The following CLIC6 variants were observed in gnomAD, a reference collection of about 807,000 sequenced individuals.
The protein encoded by CLIC6 is CLIC family member 6.
A neutral mutation model predicts 49.2 loss-of-function variants in CLIC6; 39 were observed. The ratio of observed to expected loss-of-function variants is 0.79; its 90% CI spans 0.61 to 1.04. The LOEUF (loss-of-function observed/expected upper bound fraction) is 1.04, where lower values mean the gene tolerates loss of function less well. CLIC6 is among the 50% of genes least tolerant of loss of function. CLIC6 has a pLI of 0.00. For synonymous variants in CLIC6, 446 were observed against 433.4 expected (o/e 1.03, Z -0.36); for missense variants, 988 against 993.1 (o/e 0.99, Z 0.07).
chr21:34,697,710 G>A (rs1417463353), intron 1 of CLIC6, among the ~76,000 whole-genome samples: 2 of 152,228 alleles, frequency 1.3e-5, no homozygotes, highest in Admixed American at 1.3e-4. Context: ...ACAGTCCTGG[G>A]CAAACCAGGG....
chr21:34,705,450 C>A (rs142801906), intron 1 of CLIC6, among the ~76,000 whole-genome samples: 1 of 152,090 alleles, frequency 6.6e-6, no homozygotes, highest in African/African-American at 2.4e-5. Flanking sequence ...GCCCATCTGC[C>A]GGGACTTGTT....
intron 5 of CLIC6, among the ~76,000 whole-genome samples, chr21:34,711,478 G>A (rs542486996): frequency 6.6e-6 from 1 of 152,146 alleles, no homozygotes; most frequent in South Asian, 2.1e-4. Flanking sequence ...GTTGCAGTGA[G>A]CACTCACTCC....
At chr21:34,707,472 T>C (rs1160798693) in intron 2 of CLIC6, 83 bp downstream of exon 2, 6 of 404,200 alleles carry the variant, frequency 1.5e-5, no homozygotes, top group Non-Finnish European at 2.2e-5. Flanking sequence ...CACACACACC[T>C]GAGGCCAACG....
intron 1 of CLIC6, among the ~76,000 whole-genome samples, chr21:34,701,975 C>G (rs1162944973): frequency 4.0e-5 from 6 of 149,166 alleles, no homozygotes; most frequent in African/African-American, 1.5e-4. Flanking sequence ...TGGGTGATCT[C>G]TTAGTAGTGA....
intron 5 of CLIC6, among the ~76,000 whole-genome samples, chr21:34,714,684 C>T (rs1386568244): frequency 1.4e-5 from 1 of 69,702 alleles, no homozygotes; most frequent in East Asian, 5.1e-4. Flanking sequence ...GAGACTGTCT[C>T]AAAAAAACAA....
intron 1 of CLIC6, among the ~76,000 whole-genome samples, chr21:34,685,630 C>T (rs2834577): frequency 0.18 from 28,118 of 152,138 alleles, 2,789 homozygotes; most frequent in South Asian, 0.23. Flanking sequence ...TTGCACTCGG[C>T]GGCTTCTCTG....
At chr21:34,676,585 G>A (rs144434110) in intron 1 of CLIC6, among the ~76,000 whole-genome samples, 3 of 152,266 alleles carry the variant, frequency 2.0e-5, no homozygotes, top group Admixed American at 6.5e-5. Flanking sequence ...ACACATAACA[G>A]CCAGCCAGTT....
chr21:34,669,734 G>T lies in CLIC6; in HGVS notation c.346G>T (p.Gly116Cys), dbSNP rs1017031747. 4.3e-6 allele frequency: 6 copies of T among 1,384,438 alleles called. No homozygotes were observed. Among genetic ancestry groups the T allele is most frequent in the Admixed American group, 3.6e-5 (1 of 27,826 alleles). The allele number at this position is 1,384,438 out of a possible 1,614,324, so 85.8% of individuals were successfully genotyped here. The change falls in exon 1 of 6, where the codon GGC becomes TGC. Residue 116 changes from glycine (G) to cysteine (C), a missense_variant. This residue lies in a region of CLIC6 where 284 missense variants were observed against 278.6 expected (regional missense o/e 1.02). Transcript: ENST00000349499. Reference sequence around the variant, plus strand: ...GGTGGAGGGGGCGAGCCCGGGACGCGGCGCGCAGGGCGAGCCCCGCGGGGA... The same window carrying T: ...GGTGGAGGGGGCGAGCCCGGGACGCTGCGCGCAGGGCGAGCCCCGCGGGGA... Reference protein sequence around the residue: ...QQVEGASPGRGAQGEPRGEAQ... With the variant: ...QQVEGASPGRCAQGEPRGEAQ...
intron 1 of CLIC6, among the ~76,000 whole-genome samples, chr21:34,704,515 A>G (rs1288610177): frequency 2.0e-5 from 3 of 152,238 alleles, no homozygotes; most frequent in South Asian, 2.1e-4. Context: ...TTCACTAGCC[A>G]TGCTGGGTCG....
At chr21:34,713,675 A>T (rs191802219) in intron 5 of CLIC6, among the ~76,000 whole-genome samples, 1 of 151,508 alleles carries the variant, frequency 6.6e-6, no homozygotes, top group Non-Finnish European at 1.5e-5. Context: ...AAAGGAAAGG[A>T]AAAAAAAATA....
intron 1 of CLIC6, among the ~76,000 whole-genome samples, chr21:34,678,528 T>A (rs1050460083): frequency 1.3e-4 from 19 of 151,918 alleles, no homozygotes; most frequent in Non-Finnish European, 2.6e-4. Context: ...AAAATTGGAG[T>A]TCGATTTAGA....
chr21:34,696,890 G>A (rs569057584), intron 1 of CLIC6, among the ~76,000 whole-genome samples: 3 of 152,146 alleles, frequency 2.0e-5, no homozygotes, highest in African/African-American at 7.2e-5. Flanking sequence ...CATGTTCCAA[G>A]GTGGCATGTA....
At chr21:34,705,086 C>T (rs1164959936) in intron 1 of CLIC6, among the ~76,000 whole-genome samples, 1 of 152,180 alleles carries the variant, frequency 6.6e-6, no homozygotes, top group Non-Finnish European at 1.5e-5. Context: ...CCCCACTTCG[C>T]AGAACTTATT....
intron 1 of CLIC6, among the ~76,000 whole-genome samples, chr21:34,679,900 G>T (rs537922494): frequency 6.6e-6 from 1 of 152,228 alleles, no homozygotes; most frequent in East Asian, 1.9e-4. Flanking sequence ...TGCTTTCACG[G>T]ACTGGTGTTG....
intron 1 of CLIC6, among the ~76,000 whole-genome samples, chr21:34,686,671 C>A (rs1403701830): frequency 6.6e-6 from 1 of 152,224 alleles, no homozygotes; most frequent in African/African-American, 2.4e-5. Flanking sequence ...CCTGAGGTCA[C>A]CATGCTGGAG....
In CLIC6 at chr21:34,718,133, T is replaced by C. The variant is rs1314067917; in HGVS notation, c.*1651T>C. On this transcript the variant is annotated 3_prime_UTR_variant, in exon 6 of 6. Coordinates refer to ENST00000349499, the MANE Select transcript of CLIC6 (RefSeq NM_053277.3). ...TGATTAGACTACCAGATGTTACTAG[T>C]GCTAACTTTGTATTCTTAGACATTA... 1 of 152,674 alleles carries C rather than the reference T, an allele frequency of 6.5e-6. No homozygotes were observed. The highest frequency in any genetic ancestry group is 1.5e-5 in the Non-Finnish European group (1 of 68,044). 9.5% of individuals were successfully genotyped at this position (152,674 alleles called of 1,614,324 possible).
Position 34,670,160 on chromosome 21 carries a change from GACGGCGTAGAAGCGGGGGTC to G in CLIC6, c.773_792del (p.Asp258AlafsTer31). On this transcript the variant is annotated frameshift_variant, in exon 1 of 6. Transcript: ENST00000349499. LOFTEE classifies it high-confidence loss of function. ...CGTAGAGGCGGGGGACCCGGCGGGG[GACGGCGTAGAAGCGGGGGTC>G]CCGGCGGGGGACAGCGTAGAAGCCG... 1 of 1,387,724 alleles carries G rather than the reference GACGGCGTAGAAGCGGGGGTC, an allele frequency of 7.2e-7. No homozygotes were observed. The allele number at this position is 1,387,724 out of a possible 1,614,324, so 86.0% of individuals were successfully genotyped here.
At position 34,686,365 on chromosome 21, in the gene CLIC6, C is replaced by T. The variant is rs565957629; in HGVS notation, c.1374+15603C>T. On this transcript the variant is annotated intron_variant, in intron 1 of 5. Coordinates refer to ENST00000349499, the MANE Select transcript of CLIC6 (RefSeq NM_053277.3). ...GCTGTGAGCTGAGATCACGCCACTG[C>T]GCTCCAGCCTGGGTGACAGAGTGAG... Among the ~76,000 whole-genome samples, 5 of 152,298 alleles carry T rather than the reference C, an allele frequency of 3.3e-5. No homozygotes were observed. In the South Asian group the frequency reaches 6.2e-4, roughly 19 times the overall value.
At chr21:34,679,687 G>A (rs1490254600) in intron 1 of CLIC6, among the ~76,000 whole-genome samples, 3 of 152,218 alleles carry the variant, frequency 2.0e-5, no homozygotes, top group Non-Finnish European at 4.4e-5. Flanking sequence ...CTCCAAGTGG[G>A]AGAAGTTGGC....
Sources: allele counts gnomAD v4.1 joint callset (sites outside exome capture counted in the v4.1 genomes callset), GRCh38; gene constraint gnomAD v4.1.1; regional missense constraint gnomAD v4.1.1; transcripts MANE v1.5; gene names NCBI Gene and HGNC (gene_info 2026-07-23, HGNC 2026-07-21).